Variants in TENM3 observed in about 807,000 individuals in gnomAD.
TENM3 encodes teneurin-3.
In TENM3, 63 loss-of-function variants were observed where a neutral mutation model predicts 255.1. That is an observed-to-expected ratio of 0.25 (90% CI 0.20 to 0.30). The LOEUF is 0.30. TENM3 is among the 10% of genes least tolerant of loss of function. TENM3 has a pLI of 1.00. For missense variants in TENM3, 2,929 were observed against 3,461.1 expected, an observed-to-expected ratio of 0.85 and a Z score of 3.86; for synonymous variants, 1,306 against 1,322.3, an observed-to-expected ratio of 0.99 and a Z score of 0.27.
chr4:182,105,844 G>A, the TENM3 span, among the ~76,000 whole-genome samples: 1 of 152,218 alleles, frequency 6.6e-6, no homozygotes. Flanking sequence ...GGAAGAGTGA[G>A]GGAATGGGAT....
chr4:182,407,790 T>C (rs1037056615), intron 3 of TENM3, among the ~76,000 whole-genome samples: 2 of 152,234 alleles, frequency 1.3e-5, no homozygotes, highest in Non-Finnish European at 2.9e-5. Context: ...AGACCTGCTT[T>C]TCCATAATAT....
chr4:181,478,086 T>C, the TENM3 span, among the ~76,000 whole-genome samples: 1 of 152,198 alleles, frequency 6.6e-6, no homozygotes, highest in African/African-American at 2.4e-5. Flanking sequence ...TAGTGGCAAA[T>C]ATTTCAATTA....
intron 24 of TENM3, among the ~76,000 whole-genome samples, chr4:182,781,973 C>T (rs1449063956): frequency 1.4e-5 from 2 of 140,904 alleles, no homozygotes; most frequent in Admixed American, 7.2e-5. Flanking sequence ...TGCTAGCGGT[C>T]TATCAATTTT....
intron 3 of TENM3, among the ~76,000 whole-genome samples, chr4:182,510,060 T>A (rs1737233658): frequency 6.6e-6 from 1 of 152,146 alleles, no homozygotes; most frequent in Admixed American, 6.5e-5. Context: ...CACTGTCAGT[T>A]AAGATCTTAG....
At position 182,233,960 on chromosome 4, in the gene TENM3, A is replaced by G. The variant is rs185079699; in HGVS notation, c.-76+89206A>G. Among the ~76,000 whole-genome samples the G allele has an allele frequency of 9.2e-5, 14 of 152,214 alleles. No homozygotes were observed. The East Asian group carries it at 1.7e-3, about 19-fold the overall frequency. The stretch of plus-strand genomic sequence containing the variant: ...CGCCTTTCGGCTTTTCCAGCTTTCC[A>G]GGCGTCTGATTTTTGTTATTACTGT... On this transcript the variant is annotated intron_variant, in intron 1 of 2. Transcript: ENST00000512480.
intron 3 of TENM3, among the ~76,000 whole-genome samples, chr4:182,534,942 AGCACC>A (rs767145798): frequency 6.6e-6 from 1 of 152,228 alleles, no homozygotes; most frequent in Non-Finnish European, 1.5e-5. Context: ...TATACTATGT[AGCACC>A]TTGTCCAAGC....
At chr4:182,734,441 G>A (rs755315678) in intron 16 of TENM3, among the ~76,000 whole-genome samples, 13 of 152,114 alleles carry the variant, frequency 8.5e-5, no homozygotes, top group African/African-American at 2.2e-4. Flanking sequence ...GTGGCAAAAC[G>A]CACTTGAAAG....
At chr4:182,319,619 A>G (rs903624591) in intron 1 of TENM3, among the ~76,000 whole-genome samples, 2 of 152,236 alleles carry the variant, frequency 1.3e-5, no homozygotes, top group African/African-American at 4.8e-5. Flanking sequence ...AGAAAGCTTA[A>G]GAATACCTAA....
chr4:181,645,928 A>G, the TENM3 span, among the ~76,000 whole-genome samples: 5 of 152,200 alleles, frequency 3.3e-5, no homozygotes, highest in African/African-American at 1.2e-4. Flanking sequence ...CTAAATTTTC[A>G]TTAGGTCTAG....
chr4:181,574,367 T>TA, the TENM3 span, among the ~76,000 whole-genome samples: 4 of 151,662 alleles, frequency 2.6e-5, no homozygotes, highest in Admixed American at 1.3e-4. Flanking sequence ...CCGTCTCTAC[T>TA]AAAAATACAA....
the TENM3 span, chr4:182,080,017 A>G: frequency 2.2e-4 from 34 of 152,236 alleles, no homozygotes; most frequent in Admixed American, 9.2e-4. Context: ...AGGAGTACCC[A>G]GTTACAGAAT....
the TENM3 span, among the ~76,000 whole-genome samples, chr4:181,984,800 G>A: frequency 8.1e-5 from 5 of 61,678 alleles, no homozygotes; most frequent in Non-Finnish European, 1.2e-4. Flanking sequence ...GTGTGTGTGT[G>A]TGTGTGTGTG....
chr4:181,670,746 G>T, the TENM3 span, among the ~76,000 whole-genome samples: 2 of 152,132 alleles, frequency 1.3e-5, no homozygotes, highest in Admixed American at 6.5e-5. Flanking sequence ...TGTGTCTGTC[G>T]CAGGAGGAAC....
intron 4 of TENM3, among the ~76,000 whole-genome samples, chr4:182,627,400 A>G (rs1009267819): frequency 6.6e-6 from 1 of 152,174 alleles, no homozygotes; most frequent in Non-Finnish European, 1.5e-5. Context: ...TGGCTTCCCA[A>G]TTCTGTCCTA....
intron 3 of TENM3, among the ~76,000 whole-genome samples, chr4:182,592,359 A>C (rs1395636686): frequency 1.3e-5 from 2 of 152,224 alleles, no homozygotes; most frequent in Non-Finnish European, 2.9e-5. Context: ...TTTCAAAATC[A>C]AAAACCAACT....
chr4:181,855,287 A>G, the TENM3 span, among the ~76,000 whole-genome samples: 1 of 152,224 alleles, frequency 6.6e-6, no homozygotes, highest in Non-Finnish European at 1.5e-5. Flanking sequence ...TACTTTCAAA[A>G]TACCACATGA....
chr4:182,476,423 C>G (rs889413154), intron 3 of TENM3, among the ~76,000 whole-genome samples: 1 of 152,074 alleles, frequency 6.6e-6, no homozygotes, highest in Non-Finnish European at 1.5e-5. Flanking sequence ...TTCTGTGATG[C>G]TGGAGAAATG....
At chr4:181,552,322 A>G in the TENM3 span, among the ~76,000 whole-genome samples, 1 of 152,210 alleles carries the variant, frequency 6.6e-6, no homozygotes, top group Admixed American at 6.5e-5. Context: ...ATTGAGAAAA[A>G]CAGATTAAAA....
At chr4:182,519,486 G>GT (rs1017202036) in intron 3 of TENM3, among the ~76,000 whole-genome samples, 1 of 152,082 alleles carries the variant, frequency 6.6e-6, no homozygotes, top group African/African-American at 2.4e-5. Context: ...CCTCTCCACA[G>GT]TTTATTTCAG....
Sources: allele counts gnomAD v4.1 joint callset (sites outside exome capture counted in the v4.1 genomes callset), GRCh38; gene constraint gnomAD v4.1.1; transcripts MANE v1.5; gene names NCBI Gene and HGNC (gene_info 2026-07-23, HGNC 2026-07-21).